PTPRB: variants seen among roughly 807,000 people sequenced by gnomAD.
PTPRB encodes the protein protein tyrosine phosphatase receptor type B, also known as receptor-type tyrosine-protein phosphatase beta.
Under a neutral mutation model 238.1 loss-of-function variants are expected in PTPRB, and 97 were observed. The observed-to-expected ratio is 0.41, with a 90% confidence interval of 0.35 to 0.48. The LOEUF is 0.48. Among genes scored for constraint, PTPRB ranks in the 20% least tolerant of loss-of-function variants. PTPRB has a pLI of 0.30. For missense variants in PTPRB, 2,292 were observed against 2,681.9 expected (o/e 0.85, Z 3.21); for synonymous variants, 970 against 995.4 (o/e 0.97, Z 0.48).
Position 70,517,303 on chromosome 12 carries a change from C to T in PTPRB, c.*4186G>A, listed in dbSNP as rs144041390. On this transcript the variant is annotated 3_prime_UTR_variant, in exon 34 of 34. Coordinates refer to ENST00000334414, the MANE Select transcript of PTPRB (RefSeq NM_001109754.4). ...GAAACGTGTGACAGGATTGTCCAAG[C>T]ACACCCAGGCCACACAGAAGAGATG... 1.8e-4 allele frequency: 28 copies of T among 152,290 alleles called. No individual in the cohort carries two copies. Among genetic ancestry groups the T allele is most frequent in the African/African-American group, 6.3e-4 (26 of 41,562 alleles). 9.4% of individuals were successfully genotyped at this position (152,290 alleles called of 1,614,324 possible).
rs1555240760 is a variant in PTPRB, at chr12:70,626,296, C to CATCTATCCATCT, written c.452-3651_452-3650insAGATGGATAGAT. Among the ~76,000 whole-genome samples the CATCTATCCATCT allele has an allele frequency of 1.8e-4, 17 of 91,938 alleles. 1 individual carries two copies. The highest frequency in any genetic ancestry group is 8.0e-4 in the African/African-American group (17 of 21,212). 60.3% of individuals were successfully genotyped at this position (91,938 alleles called of 152,430 possible). Reference sequence around the variant, plus strand: ...TAGAAAAGGATGATGTCTATCCATCCATCTATCTATCTATCTATCTATCTA... The same window carrying CATCTATCCATCT: ...TAGAAAAGGATGATGTCTATCCATCCATCTATCCATCTATCTATCTATCTATCTATCTATCTA... On this transcript the variant is annotated intron_variant, in intron 2 of 33. Coordinates refer to ENST00000334414, the MANE Select transcript of PTPRB (RefSeq NM_001109754.4).
intron 13 of PTPRB, among the ~76,000 whole-genome samples, chr12:70,570,329 A>G (rs999274668): frequency 3.9e-5 from 6 of 152,018 alleles, no homozygotes. Context: ...AGTTGTGAAG[A>G]TTGATTCTTT....
At chr12:70,620,584 G>A (rs1048095627) in intron 3 of PTPRB, among the ~76,000 whole-genome samples, 1 of 152,044 alleles carries the variant, frequency 6.6e-6, no homozygotes, top group Non-Finnish European at 1.5e-5. Context: ...ACTGATGTTA[G>A]AATGGAAGTT....
chr12:70,519,994 G>A lies in PTPRB; in HGVS notation c.*1495C>T, dbSNP rs1250909726. On this transcript the variant is annotated 3_prime_UTR_variant, in exon 34 of 34. Transcript: ENST00000334414. ...AATTACATTCGTTGTATTCACTTAC[G>A]GACTTTATGGTAGGTTACAAAAATA... The A allele has an allele frequency of 1.3e-5, 3 of 227,116 alleles. No homozygotes were observed. Among genetic ancestry groups the A allele is most frequent in the Non-Finnish European group, 1.8e-5 (2 of 111,248 alleles). 14.1% of individuals were successfully genotyped at this position (227,116 alleles called of 1,614,324 possible).
intron 8 of PTPRB, among the ~76,000 whole-genome samples, chr12:70,587,505 A>G (rs537459627): frequency 6.6e-6 from 1 of 152,356 alleles, no homozygotes; most frequent in South Asian, 2.1e-4. Flanking sequence ...TTTTGACTGT[A>G]TAATACTTTG....
Position 70,563,094 on chromosome 12 carries a change from G to A in PTPRB, c.3918C>T (p.Val1306=). Residue 1306 remains valine, a synonymous_variant, in exon 16 of 34, where the codon GTC becomes GTT. Coordinates refer to ENST00000334414, the MANE Select transcript of PTPRB (RefSeq NM_001109754.4). Reference sequence around the variant, plus strand: ...AGTTCTCTGTGATCCTCAGGTCGGTGACAGCTGCTGGGACTGGAAAAGTCG... The same window carrying A: ...AGTTCTCTGTGATCCTCAGGTCGGTAACAGCTGCTGGGACTGGAAAAGTCG... ...QTEGRTVPAA[V]TDLRITENST... 1 of 1,612,470 alleles carries A rather than the reference G, an allele frequency of 6.2e-7. No homozygotes were observed. The highest frequency in any genetic ancestry group is 8.5e-7 in the Non-Finnish European group (1 of 1,179,050).
At chr12:70,539,379 C>A in intron 26 of PTPRB, 2 of 552,672 alleles carry the variant, frequency 3.6e-6, no homozygotes, top group Non-Finnish European at 6.4e-6. Flanking sequence ...TTTGTTAATT[C>A]TTCCTTACTA....
rs1338921454 is a variant in PTPRB at position 70,633,135 on chromosome 12, A to C, written c.451+2536T>G. Reference sequence around the variant, plus strand: ...ACAACACATGTATTTGTGCTGCTGTAGATTATAATACTTAGTTACCAACTT... The same window carrying C: ...ACAACACATGTATTTGTGCTGCTGTCGATTATAATACTTAGTTACCAACTT... On this transcript the variant is annotated intron_variant, in intron 2 of 33. Coordinates refer to ENST00000334414, the MANE Select transcript of PTPRB (RefSeq NM_001109754.4). Among the ~76,000 whole-genome samples, 7 of 152,238 alleles carry C rather than the reference A, an allele frequency of 4.6e-5. No homozygotes were observed. In the East Asian group the frequency reaches 1.3e-3, roughly 29 times the overall value.
intron 3 of PTPRB, among the ~76,000 whole-genome samples, chr12:70,612,541 G>A (rs1341224030): frequency 6.6e-6 from 1 of 151,990 alleles, no homozygotes; most frequent in Non-Finnish European, 1.5e-5. Context: ...CCAGAAATTT[G>A]GAATCAGCCA....
intron 28 of PTPRB, among the ~76,000 whole-genome samples, chr12:70,537,353 C>G (rs1162961654): frequency 6.7e-6 from 1 of 150,036 alleles, no homozygotes; most frequent in Non-Finnish European, 1.5e-5. Flanking sequence ...CCTGATGGAT[C>G]AGAATCTGCC....
intron 2 of PTPRB, among the ~76,000 whole-genome samples, chr12:70,630,000 G>A (rs1397294874): frequency 3.9e-5 from 6 of 152,102 alleles, no homozygotes; most frequent in Admixed American, 2.0e-4. Context: ...ATTCACAGCC[G>A]AATTCTACCA....
intron 4 of PTPRB, among the ~76,000 whole-genome samples, chr12:70,596,919 ATT>A (rs11313100): frequency 3.5e-5 from 5 of 144,186 alleles, no homozygotes; most frequent in African/African-American, 1.0e-4. Context: ...ATATCCCTAG[ATT>A]TTTTTTTTTT....
chr12:70,562,495 C>T (rs1230085894), intron 16 of PTPRB, among the ~76,000 whole-genome samples: 1 of 152,134 alleles, frequency 6.6e-6, no homozygotes, highest in Non-Finnish European at 1.5e-5. Context: ...GCTCTCCTCT[C>T]CGTCTATTTC....
intron 2 of PTPRB, among the ~76,000 whole-genome samples, chr12:70,633,485 C>A (rs1047545517): frequency 6.6e-6 from 1 of 151,952 alleles, no homozygotes; most frequent in African/African-American, 2.4e-5. Flanking sequence ...AGAAAAAACC[C>A]CACAATGGCA....
chr12:70,516,953 C>T lies in PTPRB; in HGVS notation c.*4536G>A, dbSNP rs542020576. 9 of 152,120 alleles carry T rather than the reference C, an allele frequency of 5.9e-5. No homozygotes were observed. The highest frequency in any genetic ancestry group is 1.9e-4 in the African/African-American group (8 of 41,508). 9.4% of individuals were successfully genotyped at this position (152,120 alleles called of 1,614,324 possible). ...TTATTTGTGTTGCATACATTTATTC[C>T]GAGGGAGCCTCCCTACAAGTCAAGA... On this transcript the variant is annotated 3_prime_UTR_variant, in exon 34 of 34. Transcript: ENST00000334414.
chr12:70,537,589 T>C (rs944108661), intron 28 of PTPRB, among the ~76,000 whole-genome samples: 1 of 152,204 alleles, frequency 6.6e-6, no homozygotes, highest in South Asian at 2.1e-4. Context: ...TAAATATTAT[T>C]ATCATCAGTT....
rs759875394 is a variant in PTPRB, at chr12:70,636,007, C to A, written c.115G>T (p.Val39Phe). 8 of 1,613,580 alleles carry A rather than the reference C, an allele frequency of 5.0e-6. No homozygotes were observed. The highest frequency in any genetic ancestry group is 6.8e-6 in the Non-Finnish European group (8 of 1,179,740). Reference protein sequence around the residue: ...QQCLFKNEKVVVGSCNRTIQN... With the variant: ...QQCLFKNEKVFVGSCNRTIQN... Reference sequence around the variant, plus strand: ...ATGGTCCTGTTGCATGAGCCCACGACCACTTTCTCATTTTTGAAAAGACAC... The same window carrying A: ...ATGGTCCTGTTGCATGAGCCCACGAACACTTTCTCATTTTTGAAAAGACAC... The change falls in exon 2 of 34, where the codon GTC becomes TTC. Residue 39 changes from valine to phenylalanine, a missense_variant. Val to Phe is a conservative substitution (Grantham distance 50, BLOSUM62 -1). Coordinates refer to ENST00000334414, the MANE Select transcript of PTPRB (RefSeq NM_001109754.4).
intron 4 of PTPRB, among the ~76,000 whole-genome samples, chr12:70,598,144 C>T (rs968831598): frequency 1.3e-5 from 2 of 152,142 alleles, no homozygotes; most frequent in African/African-American, 4.8e-5. Flanking sequence ...AACATATGTT[C>T]TAGGGTTTGA....
At chr12:70,593,981 T>C (rs1882752966) in intron 6 of PTPRB, among the ~76,000 whole-genome samples, 1 of 152,256 alleles carries the variant, frequency 6.6e-6, no homozygotes, top group African/African-American at 2.4e-5. Flanking sequence ...CATTAATACT[T>C]AGCATAGATT....
Sources: gnomAD v4.1 joint callset for allele counts (sites outside exome capture counted in the v4.1 genomes callset) on GRCh38, gnomAD v4.1.1 for gene constraint, MANE v1.5 for transcripts, NCBI Gene and HGNC (gene_info 2026-07-23, HGNC 2026-07-21) for gene names.